The following SFTPD variants were observed in gnomAD, a reference collection of about 807,000 sequenced individuals.
SFTPD encodes pulmonary surfactant-associated protein D.
A neutral mutation model predicts 34.6 loss-of-function variants in SFTPD; 18 were observed. The ratio of observed to expected loss-of-function variants is 0.52; its 90% confidence interval spans 0.36 to 0.77. The LOEUF (loss-of-function observed/expected upper bound fraction) is 0.77, where lower values mean the gene tolerates loss of function less well. Among genes scored for constraint, SFTPD ranks in the 30% least tolerant of loss-of-function variants. The pLI, the probability that SFTPD is intolerant of heterozygous loss-of-function variation, is 0.00. For missense variants in SFTPD, 433 were observed against 468.9 expected (o/e 0.92, Z 0.71); for synonymous variants, 155 against 180.9 (o/e 0.86, Z 1.15).
intron 1 of SFTPD, among the ~76,000 whole-genome samples, chr10:79,968,051 A>G (rs926401546): frequency 6.6e-6 from 1 of 152,098 alleles, no homozygotes; most frequent in Non-Finnish European, 1.5e-5. Context: ...AGTTATTGAT[A>G]CATAATAGTT....
upstream of SFTPD, among the ~76,000 whole-genome samples, chr10:79,951,839 G>A (rs1231153857): frequency 3.9e-5 from 6 of 152,160 alleles, no homozygotes; most frequent in Non-Finnish European, 5.9e-5. Context: ...GGCACTAAAC[G>A]ACCAAGCTCA....
intron 2 of SFTPD, among the ~76,000 whole-genome samples, chr10:79,943,083 G>C (rs891278189): frequency 1.3e-5 from 2 of 152,162 alleles, no homozygotes; most frequent in Non-Finnish European, 2.9e-5. Context: ...CAGAGTTGGA[G>C]GCGGATTAAA....
At chr10:79,957,048 A>C (rs1200052767) in intron 1 of SFTPD, among the ~76,000 whole-genome samples, 1 of 151,048 alleles carries the variant, frequency 6.6e-6, no homozygotes, top group Non-Finnish European at 1.5e-5. Flanking sequence ...CAGGGTCTGG[A>C]GTGGACCTCT....
At chr10:79,943,937 C>T (rs909919990) in intron 2 of SFTPD, among the ~76,000 whole-genome samples, 1 of 152,240 alleles carries the variant, frequency 6.6e-6, no homozygotes, top group Non-Finnish European at 1.5e-5. Context: ...ATGTCACTCT[C>T]CAGAAGAGAG....
chr10:79,937,783 A>G lies in SFTPD; in HGVS notation c.*69T>C, dbSNP rs529407532. The stretch of plus-strand genomic sequence containing the variant: ...ACCTTTTTATTAGGATATTGGCAGC[A>G]TGAGGGTCTAAGCCTTGACTTCTGG... On this transcript the variant is annotated 3_prime_UTR_variant, in exon 8 of 8. Transcript: ENST00000372292. 1 of 1,460,506 alleles carries G rather than the reference A, an allele frequency of 6.8e-7. No individual in the cohort carries two copies. Among genetic ancestry groups the G allele is most frequent in the African/African-American group, 1.4e-5 (1 of 70,584 alleles). The allele number at this position is 1,460,506 out of a possible 1,614,324, so 90.5% of individuals were successfully genotyped here. A position where few individuals can be genotyped will look rare whatever the true frequency, so the allele number is the denominator to read the frequency against.
At chr10:79,943,318 A>G (rs919912109) in intron 2 of SFTPD, among the ~76,000 whole-genome samples, 1 of 152,184 alleles carries the variant, frequency 6.6e-6, no homozygotes, top group African/African-American at 2.4e-5. Context: ...AGAGCCATCT[A>G]TGCAGCATCT....
At chr10:79,970,837 A>G (rs556841717) in intron 1 of SFTPD, 3 of 152,164 alleles carry the variant, frequency 2.0e-5, no homozygotes, top group Non-Finnish European at 2.9e-5. Context: ...CTTCTTTCCA[A>G]TTTGGATGTC....
chr10:79,962,824 C>G (rs1241505118), intron 1 of SFTPD, among the ~76,000 whole-genome samples: 1 of 152,026 alleles, frequency 6.6e-6, no homozygotes, highest in African/African-American at 2.4e-5. Flanking sequence ...AAATTTAACC[C>G]ACTCTTTTTT....
intron 1 of SFTPD, chr10:79,968,332 C>T (rs1415656184): frequency 6.6e-6 from 1 of 152,132 alleles, no homozygotes; most frequent in African/African-American, 2.4e-5. Flanking sequence ...CAACACTTTC[C>T]CCCTCCCCAG....
rs1479893680 is a variant in SFTPD at position 79,938,091 on chromosome 10, T to A, written c.889A>T (p.Asn297Tyr). Residue 297 changes from asparagine (N) to tyrosine (Y), a missense_variant, in exon 8 of 8, where the codon AAT (asparagine) becomes TAT (tyrosine). Physicochemically the swap from Asn to Tyr is moderately radical, Grantham distance 143 (BLOSUM62 -2). Transcript: ENST00000372292. ...ACGACCAGCTGTTGCAAGGCGGCAT[T>A]CTCAGCGGCAGAGCGTGGAGAGGCC... ...QLASPRSAAE[N>Y]AALQQLVVAK... 1 of 1,614,146 alleles carries A rather than the reference T, an allele frequency of 6.2e-7. No individual in the cohort carries two copies. The highest frequency in any genetic ancestry group is 8.5e-7 in the Non-Finnish European group (1 of 1,180,014).
intron 1 of SFTPD, among the ~76,000 whole-genome samples, chr10:79,955,821 A>G (rs1300153207): frequency 2.0e-5 from 3 of 152,226 alleles, no homozygotes; most frequent in Admixed American, 6.5e-5. Flanking sequence ...GTGTAGCTCT[A>G]TTATTCACTA....
chr10:79,953,948 G>C (rs1338497370), upstream of SFTPD, among the ~76,000 whole-genome samples: 2 of 150,240 alleles, frequency 1.3e-5, no homozygotes, highest in Non-Finnish European at 3.0e-5. Flanking sequence ...CTGTTGAAGT[G>C]CTCTATTCAG....
At chr10:79,958,016 A>ATT (rs1483086954) in intron 1 of SFTPD, among the ~76,000 whole-genome samples, 1 of 152,200 alleles carries the variant, frequency 6.6e-6, no homozygotes, top group Non-Finnish European at 1.5e-5. Flanking sequence ...AAAGAAAAGA[A>ATT]TTTTCAACCC....
chr10:79,954,245 T>C (rs1274624025), intron 1 of SFTPD, among the ~76,000 whole-genome samples: 1 of 152,222 alleles, frequency 6.6e-6, no homozygotes, highest in Non-Finnish European at 1.5e-5. Context: ...TGATTCTTTA[T>C]GATCCTTGTA....
intron 1 of SFTPD, chr10:79,968,631 T>C (rs1458932227): frequency 2.0e-5 from 3 of 152,356 alleles, no homozygotes; most frequent in Middle Eastern, 3.4e-3. Context: ...AATATATGAA[T>C]GCATGTGTCT....
At chr10:79,979,032 G>A (rs552412960) in intron 1 of SFTPD, among the ~76,000 whole-genome samples, 4 of 151,864 alleles carry the variant, frequency 2.6e-5, no homozygotes, top group African/African-American at 4.8e-5. Context: ...TGCAAAAATC[G>A]GTTGCAATTT....
intron 1 of SFTPD, among the ~76,000 whole-genome samples, chr10:79,975,093 A>G (rs1267902121): frequency 6.6e-6 from 1 of 152,106 alleles, no homozygotes; most frequent in Non-Finnish European, 1.5e-5. Flanking sequence ...CAAGCCTCTA[A>G]ATCACTCTCT....
At chr10:79,953,677 T>C (rs1842723609), upstream of SFTPD, among the ~76,000 whole-genome samples, 1 of 152,130 alleles carries the variant, frequency 6.6e-6, no homozygotes, top group African/African-American at 2.4e-5. Context: ...AGATATCTGT[T>C]TCCTTCCCTA....
At chr10:79,953,974 T>G (rs776353159), upstream of SFTPD, among the ~76,000 whole-genome samples, 8 of 151,940 alleles carry the variant, frequency 5.3e-5, no homozygotes, top group Non-Finnish European at 7.4e-5. Flanking sequence ...AATTCAGTCC[T>G]TGAGGTCTTC....
Sources: allele counts gnomAD v4.1 joint callset (sites outside exome capture counted in the v4.1 genomes callset), GRCh38; gene constraint gnomAD v4.1.1; transcripts MANE v1.5; gene names NCBI Gene and HGNC (gene_info 2026-07-23, HGNC 2026-07-21).